Variants in RBFOX1 observed in about 807,000 individuals in gnomAD.
RBFOX1 encodes the protein RNA binding protein fox-1 homolog 1.
Under a neutral mutation model 57.7 loss-of-function variants are expected in RBFOX1, and 8 were observed. The ratio of observed to expected loss-of-function variants is 0.14; its 90% CI spans 0.08 to 0.25. The LOEUF is 0.25. Ranked by LOEUF, RBFOX1 falls within the 10% of genes least tolerant of loss-of-function variation. The pLI, the probability that RBFOX1 is intolerant of heterozygous loss-of-function variation, is 1.00. For synonymous variants in RBFOX1, 326 were observed against 222.4 expected (o/e 1.47, Z -4.15); for missense variants, 611 against 548.5 (o/e 1.11, Z -1.14).
At chr16:5,760,647 A>G (rs1377285656) in intron 3 of RBFOX1, among the ~76,000 whole-genome samples, 4 of 152,216 alleles carry the variant, frequency 2.6e-5, no homozygotes, top group Non-Finnish European at 5.9e-5. Flanking sequence ...GGCAGACACA[A>G]AAGGCCACAT....
chr16:6,138,833 C>G (rs1567542375), intron 1 of RBFOX1, among the ~76,000 whole-genome samples: 1 of 152,148 alleles, frequency 6.6e-6, no homozygotes, highest in Non-Finnish European at 1.5e-5. Flanking sequence ...CGCCGCTGCA[C>G]TCCAGCCTGG....
intron 1 of RBFOX1, among the ~76,000 whole-genome samples, chr16:5,436,075 G>C (rs1270897420): frequency 6.6e-6 from 1 of 152,148 alleles, no homozygotes; most frequent in East Asian, 1.9e-4. Flanking sequence ...TTCATATTTG[G>C]CCTCCCAGTG....
chr16:7,273,209 CCTT>C (rs2095368616), intron 4 of RBFOX1, among the ~76,000 whole-genome samples: 1 of 82,554 alleles, frequency 1.2e-5, no homozygotes, highest in African/African-American at 5.9e-5. Context: ...TCCCTCCCTT[CCTT>C]CCTTCCTTCC....
At chr16:5,507,678 T>C (rs555423471) in intron 2 of RBFOX1, among the ~76,000 whole-genome samples, 1 of 152,284 alleles carries the variant, frequency 6.6e-6, no homozygotes, top group Admixed American at 6.5e-5. Flanking sequence ...GTGGGGTGGG[T>C]CTTAATCCAG....
intron 3 of RBFOX1, among the ~76,000 whole-genome samples, chr16:6,999,216 A>AATT: frequency 9.2e-6 from 1 of 109,038 alleles, no homozygotes; most frequent in Non-Finnish European, 1.9e-5. Context: ...ATTTTTATTT[A>AATT]TTTTTTTTAT....
intron 3 of RBFOX1, among the ~76,000 whole-genome samples, chr16:7,016,141 A>C (rs1344255577): frequency 6.6e-6 from 1 of 152,156 alleles, no homozygotes. Flanking sequence ...TGGAAGAGTG[A>C]GACACCACCA....
chr16:7,272,315 G>A (rs763602432), intron 4 of RBFOX1, among the ~76,000 whole-genome samples: 6 of 151,298 alleles, frequency 4.0e-5, no homozygotes, highest in Admixed American at 6.6e-5. Context: ...CTCCCAAGTA[G>A]CTGGGATTAC....
chr16:6,793,185 G>A (rs960512492), intron 3 of RBFOX1, among the ~76,000 whole-genome samples: 1 of 152,158 alleles, frequency 6.6e-6, no homozygotes, highest in East Asian at 1.9e-4. Flanking sequence ...ATATGATCCT[G>A]TTGATCAAAC....
intron 3 of RBFOX1, among the ~76,000 whole-genome samples, chr16:5,825,389 C>G (rs557073717): frequency 1.6e-4 from 24 of 152,302 alleles, no homozygotes; most frequent in African/African-American, 5.3e-4. Context: ...TTCCTGTATA[C>G]AATCACAGCT....
intron 4 of RBFOX1, among the ~76,000 whole-genome samples, chr16:7,154,164 A>G (rs2152311581): frequency 6.6e-6 from 1 of 152,352 alleles, no homozygotes; most frequent in Non-Finnish European, 1.5e-5. Context: ...TTATTTGTTG[A>G]GCACCTATGA....
chr16:7,232,840 C>G (rs553183181), intron 4 of RBFOX1, among the ~76,000 whole-genome samples: 3 of 121,754 alleles, frequency 2.5e-5, no homozygotes, highest in South Asian at 3.0e-4. Context: ...AAGAGTGAAA[C>G]TTCATCTCTT....
chr16:5,301,536 G>C lies in RBFOX1; in HGVS notation c.219+61431G>C, dbSNP rs560941310. Among the ~76,000 whole-genome samples the C allele has an allele frequency of 5.6e-5, 8 of 143,322 alleles. No individual in the cohort carries two copies. In the East Asian group the frequency reaches 1.8e-3, roughly 31 times the overall value. 94.0% of individuals were successfully genotyped at this position (143,322 alleles called of 152,430 possible). On this transcript the variant is annotated intron_variant, in intron 1 of 2. Transcript: ENST00000585867. ...CGGGAAGCTGAGGCAGGAGAATGGCGTGAACCCAGGAGGCAGAGCTTGCAG... is the reference window on the plus strand; with the variant it reads ...CGGGAAGCTGAGGCAGGAGAATGGCCTGAACCCAGGAGGCAGAGCTTGCAG...
At chr16:6,434,245 C>T (rs2153011647) in intron 2 of RBFOX1, among the ~76,000 whole-genome samples, 1 of 152,296 alleles carries the variant, frequency 6.6e-6, no homozygotes, top group African/African-American at 2.4e-5. Context: ...CTGCAAAGTC[C>T]ATTTGGCTAT....
chr16:5,938,689 C>T (rs958725398), intron 4 of RBFOX1, among the ~76,000 whole-genome samples: 5 of 152,048 alleles, frequency 3.3e-5, no homozygotes, highest in African/African-American at 9.7e-5. Flanking sequence ...CATTTGGATC[C>T]TGAGGAATAG....
At chr16:6,576,475 G>T (rs190343629) in intron 2 of RBFOX1, among the ~76,000 whole-genome samples, 5 of 152,096 alleles carry the variant, frequency 3.3e-5, no homozygotes, top group African/African-American at 1.2e-4. Flanking sequence ...TCGAAGACCT[G>T]CTGTACTCTG....
At chr16:6,144,570 A>G (rs1436140687) in intron 1 of RBFOX1, among the ~76,000 whole-genome samples, 1 of 152,196 alleles carries the variant, frequency 6.6e-6, no homozygotes, top group African/African-American at 2.4e-5. Flanking sequence ...TTCTGATAGC[A>G]TCCCATGTAA....
chr16:7,062,183 G>A (rs1170461665), intron 4 of RBFOX1, among the ~76,000 whole-genome samples: 1 of 151,752 alleles, frequency 6.6e-6, no homozygotes, highest in Non-Finnish European at 1.5e-5. Context: ...GCTGGGCATG[G>A]TGGCGGGTGC....
intron 1 of RBFOX1, among the ~76,000 whole-genome samples, chr16:6,143,203 A>G (rs1224623081): frequency 6.6e-6 from 1 of 152,230 alleles, no homozygotes; most frequent in East Asian, 1.9e-4. Context: ...TGTAAGAGAA[A>G]GGAGCTGTCA....
At chr16:6,195,040 C>A (rs2097170789) in intron 1 of RBFOX1, among the ~76,000 whole-genome samples, 1 of 152,102 alleles carries the variant, frequency 6.6e-6, no homozygotes, top group Non-Finnish European at 1.5e-5. Flanking sequence ...TTTTTCCTTG[C>A]CCCCAAATCT....
Sources: gnomAD v4.1 joint callset for allele counts (sites outside exome capture counted in the v4.1 genomes callset) on GRCh38, gnomAD v4.1.1 for gene constraint, MANE v1.5 for transcripts, NCBI Gene and HGNC (gene_info 2026-07-23, HGNC 2026-07-21) for gene names.